Variants in EPHA6 observed in about 807,000 individuals in gnomAD.
EPHA6 encodes ephrin type-A receptor 6.
A neutral mutation model predicts 112.0 loss-of-function variants in EPHA6; 50 were observed. That is an observed-to-expected ratio of 0.45 (90% CI 0.36 to 0.56). The LOEUF (loss-of-function observed/expected upper bound fraction) is 0.56, where lower values mean the gene tolerates loss of function less well. EPHA6 is among the 20% of genes least tolerant of loss of function. The pLI is 0.00. For missense variants in EPHA6, 1,280 were observed against 1,417.4 expected (o/e 0.90, Z 1.56); for synonymous variants, 529 against 490.7 (o/e 1.08, Z -1.03).
intron 14 of EPHA6, among the ~76,000 whole-genome samples, chr3:97,668,719 G>T (rs1212871253): frequency 6.6e-6 from 1 of 151,744 alleles, no homozygotes; most frequent in Non-Finnish European, 1.5e-5. Context: ...TTTGAGACCA[G>T]CCTGGGCAAC....
At chr3:97,282,434 C>T (rs2080317786) in intron 5 of EPHA6, among the ~76,000 whole-genome samples, 1 of 152,130 alleles carries the variant, frequency 6.6e-6, no homozygotes, top group African/African-American at 2.4e-5. Flanking sequence ...GCGGCAATTC[C>T]TCAAATATCT....
chr3:96,916,743 A>C (rs1001453836), intron 2 of EPHA6, among the ~76,000 whole-genome samples: 1 of 152,208 alleles, frequency 6.6e-6, no homozygotes, highest in African/African-American at 2.4e-5. Context: ...ATGACTTATT[A>C]GCGCTTGAGA....
chr3:97,027,073 C>T (rs544193778), intron 3 of EPHA6, among the ~76,000 whole-genome samples: 72 of 152,130 alleles, frequency 4.7e-4, no homozygotes, highest in African/African-American at 1.6e-3. Context: ...ATAAAGAAAA[C>T]GTGGTACATG....
At chr3:97,629,441 G>A (rs1301936514) in intron 13 of EPHA6, among the ~76,000 whole-genome samples, 1 of 151,878 alleles carries the variant, frequency 6.6e-6, no homozygotes, top group Non-Finnish European at 1.5e-5. Flanking sequence ...ATGGATGAGT[G>A]AACTTTTTTG....
At chr3:97,694,325 C>T (rs997110415) in intron 14 of EPHA6, among the ~76,000 whole-genome samples, 1 of 151,964 alleles carries the variant, frequency 6.6e-6, no homozygotes, top group Admixed American at 6.6e-5. Flanking sequence ...CAACCTTTGC[C>T]TCCCAGGTTC....
intron 2 of EPHA6, among the ~76,000 whole-genome samples, chr3:96,980,791 T>A (rs1576235177): frequency 6.6e-6 from 1 of 152,186 alleles, no homozygotes; most frequent in South Asian, 2.1e-4. Flanking sequence ...GATTCCTAGG[T>A]ATTTTATTCT....
chr3:97,361,422 T>C lies in EPHA6; in HGVS notation c.1607-43728T>C, dbSNP rs551486791. ...AGTTGCCATGAATAGCAACAGAAAT[T>C]TAATATGAATCATACAGTTCGGCTT... On this transcript the variant is annotated intron_variant, in intron 5 of 17. Transcript: ENST00000389672. 2.0e-5 allele frequency among the ~76,000 whole-genome samples: 3 copies of C among 152,254 alleles called. No individual in the cohort carries two copies. The East Asian group carries it at 5.8e-4, about 29-fold the overall frequency.
chr3:97,060,045 C>T (rs1051503261), intron 3 of EPHA6, among the ~76,000 whole-genome samples: 1 of 151,726 alleles, frequency 6.6e-6, no homozygotes, highest in Non-Finnish European at 1.5e-5. Flanking sequence ...CACTGGAAGC[C>T]GGGAGGCAGA....
intron 14 of EPHA6, among the ~76,000 whole-genome samples, chr3:97,664,136 T>G: frequency 6.6e-6 from 1 of 152,232 alleles, no homozygotes; most frequent in Non-Finnish European, 1.5e-5. Flanking sequence ...ATGTCTTCTT[T>G]TGAGAAGTGT....
At chr3:96,848,079 G>A (rs2035176887) in intron 1 of EPHA6, among the ~76,000 whole-genome samples, 1 of 151,738 alleles carries the variant, frequency 6.6e-6, no homozygotes, top group African/African-American at 2.4e-5. Flanking sequence ...TGTTTGCATG[G>A]GTATAAGTTG....
intron 2 of EPHA6, among the ~76,000 whole-genome samples, chr3:96,974,545 A>G (rs2042446384): frequency 6.6e-6 from 1 of 151,602 alleles, no homozygotes; most frequent in African/African-American, 2.4e-5. Flanking sequence ...ATAACTCACC[A>G]ATATAGAAAG....
intron 3 of EPHA6, among the ~76,000 whole-genome samples, chr3:97,064,527 T>G (rs1352797434): frequency 6.6e-6 from 1 of 152,198 alleles, no homozygotes; most frequent in Non-Finnish European, 1.5e-5. Flanking sequence ...TTTTGTTCTC[T>G]GTAATTTTCT....
Position 96,982,800 on chromosome 3 carries a change from A to G in EPHA6, c.451-4530A>G, listed in dbSNP as rs941389593. ...TTCTTGTTGAATTGATCCCTTTACC[A>G]TTATGTAATGGCCTTCTTTGTGTCT... On this transcript the variant is annotated intron_variant, in intron 2 of 17. Coordinates refer to ENST00000389672, the MANE Select transcript of EPHA6 (RefSeq NM_001080448.3). 4.6e-5 allele frequency among the ~76,000 whole-genome samples: 7 copies of G among 152,248 alleles called. No individual in the cohort carries two copies. The South Asian group carries it at 1.0e-3, about 23-fold the overall frequency.
intron 3 of EPHA6, among the ~76,000 whole-genome samples, chr3:97,016,365 A>C (rs1387505425): frequency 6.6e-6 from 1 of 152,162 alleles, no homozygotes; most frequent in Admixed American, 6.5e-5. Context: ...CAGAATCTCC[A>C]CTTTAAATTC....
Position 97,739,744 on chromosome 3 carries a change from T to C in EPHA6, c.3128+3626T>C, listed in dbSNP as rs1469451066. Among the ~76,000 whole-genome samples the C allele has an allele frequency of 3.3e-5, 5 of 152,136 alleles. No homozygotes were observed. The South Asian group carries it at 8.3e-4, about 25-fold the overall frequency. On this transcript the variant is annotated intron_variant, in intron 16 of 17. Transcript: ENST00000389672. ...TACTCAAGAAAGTGTAGATATACCA[T>C]ATAAGTGAATGTGGCAGTATTATAA... is the stretch of plus-strand genomic sequence containing the variant.
intron 5 of EPHA6, among the ~76,000 whole-genome samples, chr3:97,256,521 C>T (rs1167223819): frequency 6.6e-6 from 1 of 152,036 alleles, no homozygotes; most frequent in Non-Finnish European, 1.5e-5. Context: ...TAGCCAAACA[C>T]TTAGATTGTA....
At chr3:97,348,850 A>C (rs1046711011) in intron 5 of EPHA6, among the ~76,000 whole-genome samples, 5 of 151,982 alleles carry the variant, frequency 3.3e-5, no homozygotes, top group African/African-American at 1.2e-4. Flanking sequence ...TGCAACAGGG[A>C]GTAGTAATCA....
chr3:97,009,589 A>G (rs1448594469), intron 3 of EPHA6, among the ~76,000 whole-genome samples: 2 of 152,196 alleles, frequency 1.3e-5, no homozygotes, highest in Non-Finnish European at 2.9e-5. Context: ...AAAGAGCTCA[A>G]AGGGCTTAGA....
chr3:96,957,609 A>G (rs1262452796), intron 2 of EPHA6, among the ~76,000 whole-genome samples: 2 of 152,234 alleles, frequency 1.3e-5, no homozygotes, highest in Admixed American at 1.3e-4. Flanking sequence ...TGAAAATAAT[A>G]GAATCCTTGA....
Sources: allele counts gnomAD v4.1 joint callset (sites outside exome capture counted in the v4.1 genomes callset), GRCh38; gene constraint gnomAD v4.1.1; transcripts MANE v1.5; gene names NCBI Gene and HGNC (gene_info 2026-07-23, HGNC 2026-07-21).